CCR9: variants seen among roughly 807,000 people sequenced by gnomAD.
The protein encoded by CCR9 is C-C chemokine receptor type 9.
In CCR9, 4 loss-of-function variants were observed where a neutral mutation model predicts 8.7. The observed-to-expected ratio is 0.46, with a 90% CI of 0.23 to 1.06. The LOEUF (loss-of-function observed/expected upper bound fraction) is 1.06. Ranked by LOEUF, CCR9 falls within the 50% of genes least tolerant of loss-of-function variation. The probability of loss-of-function intolerance (pLI) is 0.21; values close to 1 mark genes in which losing one functional copy is unlikely to be tolerated. For synonymous variants in CCR9, 159 were observed against 168.8 expected, an observed-to-expected ratio of 0.94 and a Z score of 0.45; for missense variants, 394 against 453.6, an observed-to-expected ratio of 0.87 and a Z score of 1.19.
chr3:45,899,028 T>C (rs1180073554), intron 2 of CCR9, among the ~76,000 whole-genome samples: 1 of 152,138 alleles, frequency 6.6e-6, no homozygotes, highest in Non-Finnish European at 1.5e-5. Context: ...TAGCCAGGCA[T>C]GGTGGCACAC....
At chr3:45,888,535 T>A (rs1702051092) in intron 1 of CCR9, among the ~76,000 whole-genome samples, 1 of 152,204 alleles carries the variant, frequency 6.6e-6, no homozygotes, top group African/African-American at 2.4e-5. Flanking sequence ...GCACATTGAA[T>A]AAGTGGGTTC....
Position 45,902,870 on chromosome 3 carries a change from G to A in CCR9, c.*972G>A, listed in dbSNP as rs1410618678. The A allele has an allele frequency of 6.0e-6, 1 of 167,064 alleles. No individual in the cohort carries two copies. The highest frequency in any genetic ancestry group is 1.5e-5 in the Non-Finnish European group (1 of 68,118). The allele number at this position is 167,064 out of a possible 1,614,324, so 10.3% of individuals were successfully genotyped here. A position where few individuals can be genotyped will look rare whatever the true frequency, so the allele number is the denominator to read the frequency against. On this transcript the variant is annotated 3_prime_UTR_variant, in exon 3 of 3. Transcript: ENST00000357632. ...TGGGCAGCAGCCAGGTAGGGCAAAG[G>A]GGTGAAGCGCAGGCCTTGCTGGAAG...
At position 45,900,993 on chromosome 3, in the gene CCR9, G is replaced by A. The variant is rs147064657; in HGVS notation, c.205G>A (p.Val69Ile). The part of the protein sequence containing the change: ...FIVGALGNSL[V>I]ILVYWYCTRV... ...CGTGGGTGCCTTGGGCAACAGTCTT[G>A]TTATCCTTGTCTACTGGTACTGCAC... The change falls in exon 3 of 3, where the codon GTT becomes ATT. Residue 69 changes from valine (V) to isoleucine (I), a missense_variant. Physicochemically the swap from Val to Ile is conservative, Grantham distance 29. Transcript: ENST00000357632. This position sits in a 1 kb window ranked among gnomAD's most constrained non-coding sequence, Gnocchi z 4.7. 70 of 1,614,060 alleles carry A rather than the reference G, an allele frequency of 4.3e-5. No homozygotes were observed. The highest frequency in any genetic ancestry group is 1.3e-5 in the African/African-American group (1 of 74,916).
intron 1 of CCR9, among the ~76,000 whole-genome samples, chr3:45,890,946 AG>A (rs1222623870): frequency 6.6e-6 from 1 of 152,230 alleles, no homozygotes; most frequent in Admixed American, 6.5e-5. Context: ...AAAAGTTCAA[AG>A]TGTACGAATG....
intron 1 of CCR9, among the ~76,000 whole-genome samples, chr3:45,887,561 G>T (rs1702020379): frequency 6.6e-6 from 1 of 152,244 alleles, no homozygotes; most frequent in Non-Finnish European, 1.5e-5. Flanking sequence ...CATCCAGAGA[G>T]TGGTCACTGT....
chr3:45,891,088 G>A (rs1365262983), intron 1 of CCR9, among the ~76,000 whole-genome samples: 2 of 152,186 alleles, frequency 1.3e-5, no homozygotes, highest in Admixed American at 6.5e-5. Context: ...GCAAACACGT[G>A]TGTTACTTTT....
chr3:45,892,778 ATCTCTCAAGTTGGC>A (rs1702227238), intron 1 of CCR9, among the ~76,000 whole-genome samples: 1 of 152,080 alleles, frequency 6.6e-6, no homozygotes, highest in African/African-American at 2.4e-5. Context: ...GTCCGTAGTG[ATCTCTCAAGTTGGC>A]TACAACAGCA....
Position 45,901,687 on chromosome 3 carries a change from A to C in CCR9, c.899A>C (p.Gln300Pro), listed in dbSNP as rs1575307574. ...TCCACCAACATTGACATCTGCTTCC[A>C]GGTCACCCAGACCATCGCCTTCTTC... ...AVSTNIDICF[Q>P]VTQTIAFFHS... Residue 300 changes from glutamine (Q) to proline (P), a missense_variant, in exon 3 of 3, where the codon CAG becomes CCG. Gln to Pro is a moderately conservative substitution (Grantham distance 76, BLOSUM62 -1). Transcript: ENST00000357632. The surrounding 1 kb of genome is among the most constrained non-coding windows in gnomAD (Gnocchi z 4.3). 1 of 1,614,074 alleles carries C rather than the reference A, an allele frequency of 6.2e-7. No individual in the cohort carries two copies. The highest frequency in any genetic ancestry group is 1.1e-5 in the South Asian group (1 of 91,072).
At chr3:45,890,400 A>G (rs1702141360) in intron 1 of CCR9, among the ~76,000 whole-genome samples, 1 of 119,930 alleles carries the variant, frequency 8.3e-6, no homozygotes, top group Non-Finnish European at 1.7e-5. Context: ...GATATCTCAA[A>G]AATCAACCTC....
At chr3:45,887,247 GTGTC>G (rs1450873964) in intron 1 of CCR9, among the ~76,000 whole-genome samples, 9 of 122,436 alleles carry the variant, frequency 7.4e-5, no homozygotes, top group African/African-American at 2.7e-4. Context: ...AAGTGCGTGT[GTGTC>G]TGTGTGTGTG....
intron 1 of CCR9, among the ~76,000 whole-genome samples, chr3:45,890,279 T>TATTTATATAAATATAAC (rs1559421394): frequency 7.9e-5 from 6 of 75,774 alleles, no homozygotes; most frequent in South Asian, 3.6e-4. Flanking sequence ...AACATATATA[T>TATTTATATAAATATAAC]ATATTTATAT....
intron 2 of CCR9, among the ~76,000 whole-genome samples, chr3:45,896,993 G>A (rs1309261406): frequency 6.6e-6 from 1 of 152,190 alleles, no homozygotes; most frequent in African/African-American, 2.4e-5. Flanking sequence ...CCTGCTCTGG[G>A]TGTTCACAAC....
intron 2 of CCR9, among the ~76,000 whole-genome samples, chr3:45,899,098 G>A (rs866588206): frequency 3.3e-5 from 5 of 152,318 alleles, no homozygotes; most frequent in Middle Eastern, 3.4e-3. Context: ...CCTGGGAGGC[G>A]GAGGTTGCAG....
chr3:45,898,720 A>C (rs1702449517), intron 2 of CCR9, among the ~76,000 whole-genome samples: 1 of 152,246 alleles, frequency 6.6e-6, no homozygotes, highest in African/African-American at 2.4e-5. Context: ...TTTATCAATC[A>C]ATTCAGTGAG....
chr3:45,893,349 T>C (rs1702250101), intron 1 of CCR9, among the ~76,000 whole-genome samples: 1 of 152,102 alleles, frequency 6.6e-6, no homozygotes, highest in Non-Finnish European at 1.5e-5. Context: ...GAAATGGGGT[T>C]TCACCATGTT....
intron 2 of CCR9, chr3:45,895,175 A>C (rs1702313261): frequency 1.7e-6 from 1 of 575,370 alleles, no homozygotes. Context: ...TTGTGGAGAC[A>C]GAGGAAAATG....
chr3:45,891,439 C>G (rs936917318), intron 1 of CCR9, among the ~76,000 whole-genome samples: 2 of 152,164 alleles, frequency 1.3e-5, no homozygotes, highest in Non-Finnish European at 2.9e-5. Context: ...CTCCTTCTCT[C>G]TATATACATA....
At chr3:45,898,030 A>C (rs896644670) in intron 2 of CCR9, among the ~76,000 whole-genome samples, 1 of 152,104 alleles carries the variant, frequency 6.6e-6, no homozygotes, top group African/African-American at 2.4e-5. Flanking sequence ...CAAATAACAA[A>C]AAAAAAACTT....
intron 1 of CCR9, among the ~76,000 whole-genome samples, chr3:45,892,651 A>C (rs1702222408): frequency 6.6e-6 from 1 of 152,062 alleles, no homozygotes; most frequent in African/African-American, 2.4e-5. Flanking sequence ...TAATCTATAC[A>C]CCAAGCCCCC....
Sources: allele counts gnomAD v4.1 joint callset (sites outside exome capture counted in the v4.1 genomes callset), GRCh38; gene constraint gnomAD v4.1.1; non-coding constraint Gnocchi (gnomAD v3.1); transcripts MANE v1.5; gene names NCBI Gene and HGNC (gene_info 2026-07-23, HGNC 2026-07-21).